Variants in ZNF525 observed in about 807,000 individuals in gnomAD.
ZNF525 encodes the protein zinc finger protein 525.
ZNF525 carries 33 observed loss-of-function variants against 37.6 expected under a neutral mutation model. The observed-to-expected ratio is 0.88, with a 90% confidence interval of 0.67 to 1.17. The LOEUF is 1.17. ZNF525 is among the 50% of genes most tolerant of loss of function. The pLI, the probability that ZNF525 is intolerant of heterozygous loss-of-function variation, is 0.00. For synonymous variants in ZNF525, 170 were observed against 182.3 expected (o/e 0.93, Z 0.54); for missense variants, 449 against 543.1 (o/e 0.83, Z 1.72).
rs2085564147 is a variant in ZNF525 at position 53,381,608 on chromosome 19, A to G, written c.1029A>G (p.Ala343=). 1 of 1,103,928 alleles carries G rather than the reference A, an allele frequency of 9.1e-7. No homozygotes were observed. The highest frequency in any genetic ancestry group is 1.4e-6 in the Non-Finnish European group (1 of 714,016). 68.4% of individuals were successfully genotyped at this position (1,103,928 alleles called of 1,614,324 possible). Residue 343 remains alanine (A), a synonymous_variant, in exon 4 of 4, where the codon GCA becomes GCG. Transcript: ENST00000474037. ...GKTFSQKSYL[A]CHRSIHTGKK... ...CCTTTAGTCAGAAGTCATACCTTGC[A>G]TGCCATCGTAGCATTCATACTGGAA...
intron 3 of ZNF525, chr19:53,379,235 C>T (rs539546379): frequency 6.6e-6 from 1 of 152,182 alleles, no homozygotes; most frequent in Admixed American, 6.5e-5. Context: ...CTTGCCTCAG[C>T]CTTCTGAGTA....
Position 53,382,502 on chromosome 19 carries a change from C to A in ZNF525, c.*483C>A. 1 of 688,052 alleles carries A rather than the reference C, an allele frequency of 1.5e-6. No individual in the cohort carries two copies. The highest frequency in any genetic ancestry group is 3.1e-5 in the East Asian group (1 of 32,636). The allele number at this position is 688,052 out of a possible 1,614,324, so 42.6% of individuals were successfully genotyped here. ...AATCTTATAAGTGTAATGAGTGTGG[C>A]AAGACCTTCAGTAAGGAGTTAACAC... On this transcript the variant is annotated 3_prime_UTR_variant, in exon 4 of 4. Coordinates refer to ENST00000474037, the MANE Select transcript of ZNF525 (RefSeq NM_001348156.2).
In ZNF525 at chr19:53,386,145, A is replaced by G. The variant is rs1378944912; in HGVS notation, c.*4126A>G. 4.6e-6 allele frequency: 2 copies of G among 434,788 alleles called. No homozygotes were observed. Among genetic ancestry groups the G allele is most frequent in the East Asian group, 1.1e-4 (2 of 17,486 alleles). The allele number at this position is 434,788 out of a possible 1,614,324, so 26.9% of individuals were successfully genotyped here. On this transcript the variant is annotated 3_prime_UTR_variant, in exon 4 of 4. Coordinates refer to ENST00000474037, the MANE Select transcript of ZNF525 (RefSeq NM_001348156.2). ...CACTCTAGCCTGAGCAACAAGAGCA[A>G]AACTCCATCTCAAAAAAAAAAAAAT...
At position 53,382,784 on chromosome 19, in the gene ZNF525, C is replaced by T; in HGVS notation, c.*765C>T. On this transcript the variant is annotated 3_prime_UTR_variant, in exon 4 of 4. Transcript: ENST00000474037. ...CAGACATCGTTCATACCTTGCAGTT[C>T]ACGGGCGAACTCATGCTGGAGAGAA... The T allele has an allele frequency of 9.3e-7, 1 of 1,070,082 alleles. No individual in the cohort carries two copies. Among genetic ancestry groups the T allele is most frequent in the Non-Finnish European group, 1.4e-6 (1 of 707,122 alleles). 66.3% of individuals were successfully genotyped at this position (1,070,082 alleles called of 1,614,324 possible). A position where few individuals can be genotyped will look rare whatever the true frequency, so the allele number is the denominator to read the frequency against.
In ZNF525 at chr19:53,381,085, A is replaced by G; in HGVS notation, c.506A>G (p.Asn169Ser). 1 of 1,486,066 alleles carries G rather than the reference A, an allele frequency of 6.7e-7. No individual in the cohort carries two copies. The highest frequency in any genetic ancestry group is 9.4e-7 in the Non-Finnish European group (1 of 1,063,450). The allele number at this position is 1,486,066 out of a possible 1,614,324, so 92.1% of individuals were successfully genotyped here. A position where few individuals can be genotyped will look rare whatever the true frequency, so the allele number is the denominator to read the frequency against. The change falls in exon 4 of 4, where the codon AAC becomes AGC. Residue 169 changes from asparagine to serine, a missense_variant. Around this residue, in one of 2 missense-constraint regions of ZNF525, gnomAD observed 271 missense variants for 381.6 expected, o/e 0.71. Coordinates refer to ENST00000474037, the MANE Select transcript of ZNF525 (RefSeq NM_001348156.2). ...KINNQVEKSI[N>S]DASSVSTAQR... ...AATAATCAAGTGGAGAAGTCTATCA[A>G]CGATGCTTCCTCGGTTTCAACAGCC...
rs764084436 is a variant in ZNF525 at position 53,380,886 on chromosome 19, G to A, written c.307G>A (p.Glu103Lys). The A allele has an allele frequency of 6.8e-7, 1 of 1,479,042 alleles. No homozygotes were observed. Among genetic ancestry groups the A allele is most frequent in the Non-Finnish European group, 9.5e-7 (1 of 1,056,994 alleles). The allele number at this position is 1,479,042 out of a possible 1,614,324, so 91.6% of individuals were successfully genotyped here. ...TCATAACTTTGAGTTTCAGTGGCAA[G>A]AAGATGAAAGAAATGGCCATGAAGC... ...DIHNFEFQWQ[E>K]DERNGHEAPM... The change falls in exon 4 of 4, where the codon GAA becomes AAA. Residue 103 changes from glutamate (E) to lysine (K), a missense_variant. This residue lies in a region of ZNF525 where 271 missense variants were observed against 381.6 expected (regional missense o/e 0.71). Coordinates refer to ENST00000474037, the MANE Select transcript of ZNF525 (RefSeq NM_001348156.2).
At chr19:53,373,606 T>C (rs1488109043) in intron 2 of ZNF525, among the ~76,000 whole-genome samples, 1 of 152,090 alleles carries the variant, frequency 6.6e-6, no homozygotes, top group Non-Finnish European at 1.5e-5. Flanking sequence ...TACTCATGTA[T>C]TTCTGTATCG....
chr19:53,376,994 C>T (rs1037521540), intron 3 of ZNF525, among the ~76,000 whole-genome samples: 32 of 152,110 alleles, frequency 2.1e-4, no homozygotes, highest in African/African-American at 7.7e-4. Context: ...CCACAACCTG[C>T]AAAAGCTTCT....
chr19:53,382,161 T>C lies in ZNF525; in HGVS notation c.*142T>C. The C allele has an allele frequency of 6.3e-7, 1 of 1,592,404 alleles. No individual in the cohort carries two copies. The highest frequency in any genetic ancestry group is 8.6e-7 in the Non-Finnish European group (1 of 1,161,648). On this transcript the variant is annotated 3_prime_UTR_variant, in exon 4 of 4. Coordinates refer to ENST00000474037, the MANE Select transcript of ZNF525 (RefSeq NM_001348156.2). ...AGAGAAACCTTACAAATGTGAAGAA[T>C]GTGATGAAGCTTTCAGTTTCAAATC...
rs1225006255 is a variant in ZNF525, at chr19:53,382,115, C to T, written c.*96C>T. 6.4e-7 allele frequency: 1 copy of T among 1,556,228 alleles called. No individual in the cohort carries two copies. Among genetic ancestry groups the T allele is most frequent in the African/African-American group, 1.4e-5 (1 of 73,282 alleles). ...TCAGTCATACGTCATCCATTGTATA[C>T]CATCATAAATTTCATAGTGGAGAGA... On this transcript the variant is annotated 3_prime_UTR_variant, in exon 4 of 4. Transcript: ENST00000474037.
Position 53,366,134 on chromosome 19 carries a change from C to G in ZNF525, c.-68+375C>G, listed in dbSNP as rs574102800. Reference sequence around the variant, plus strand: ...GCCCCTAGAGCGCAGCGTCGCAGCTCCGGTCCCGGGGAGGCCGAGTTCTCT... The same window carrying G: ...GCCCCTAGAGCGCAGCGTCGCAGCTGCGGTCCCGGGGAGGCCGAGTTCTCT... On this transcript the variant is annotated intron_variant, in intron 1 of 3. Transcript: ENST00000474037. Among the ~76,000 whole-genome samples the G allele has an allele frequency of 6.7e-5, 10 of 150,338 alleles. No homozygotes were observed. In the South Asian group the frequency reaches 2.1e-3, roughly 32 times the overall value.
At chr19:53,372,859 T>G (rs1199745000) in intron 2 of ZNF525, among the ~76,000 whole-genome samples, 1 of 152,176 alleles carries the variant, frequency 6.6e-6, no homozygotes, top group African/African-American at 2.4e-5. Flanking sequence ...ATCTTTATTT[T>G]AAGAATATGA....
rs567733261 is a variant in ZNF525, at chr19:53,386,481, C to G, written c.*4462C>G. 2.8e-5 allele frequency: 18 copies of G among 647,704 alleles called. No individual in the cohort carries two copies. Among genetic ancestry groups the G allele is most frequent in the African/African-American group, 1.7e-4 (9 of 54,410 alleles). 40.1% of individuals were successfully genotyped at this position (647,704 alleles called of 1,614,324 possible). On this transcript the variant is annotated 3_prime_UTR_variant, in exon 4 of 4. Transcript: ENST00000474037. ...GCTGAAAATGTCACCACTATCTGGA[C>G]AGTTGGACATGTTTTATTGGGAATA...
rs2085589319 is a variant in ZNF525 at position 53,384,241 on chromosome 19, T to G, written c.*2222T>G. 1.2e-5 allele frequency: 3 copies of G among 249,708 alleles called. No individual in the cohort carries two copies. The South Asian group carries it at 1.4e-4, about 11-fold the overall frequency. 15.5% of individuals were successfully genotyped at this position (249,708 alleles called of 1,614,324 possible). A position where few individuals can be genotyped will look rare whatever the true frequency, so the allele number is the denominator to read the frequency against. On this transcript the variant is annotated 3_prime_UTR_variant, in exon 4 of 4. Coordinates refer to ENST00000474037, the MANE Select transcript of ZNF525 (RefSeq NM_001348156.2). ...GCTCACGCCTGTAATCCCAGCACTT[T>G]GGTAGGCCAAGGTGGGTAAATCACT...
chr19:53,366,391 C>T (rs1190514987), intron 1 of ZNF525, among the ~76,000 whole-genome samples: 4 of 151,282 alleles, frequency 2.6e-5, no homozygotes, highest in African/African-American at 4.8e-5. Context: ...GCGTCTTACT[C>T]CAAACCCTCC....
chr19:53,373,595 G>A (rs2085502309), intron 2 of ZNF525, among the ~76,000 whole-genome samples: 1 of 152,000 alleles, frequency 6.6e-6, no homozygotes, highest in East Asian at 1.9e-4. Flanking sequence ...GTCAGGTGTG[G>A]TACTCATGTA....
In ZNF525 at chr19:53,383,030, G is replaced by T; in HGVS notation, c.*1011G>T. The T allele has an allele frequency of 6.8e-7, 1 of 1,479,462 alleles. No individual in the cohort carries two copies. 91.6% of individuals were successfully genotyped at this position (1,479,462 alleles called of 1,614,324 possible). On this transcript the variant is annotated 3_prime_UTR_variant, in exon 4 of 4. Coordinates refer to ENST00000474037, the MANE Select transcript of ZNF525 (RefSeq NM_001348156.2). ...GGTTTTTAATCGCAAAGCAAAGCTT[G>T]CATGTCATCATAGACTTCATACTGG...
At chr19:53,375,057 G>T (rs1160311401) in intron 2 of ZNF525, among the ~76,000 whole-genome samples, 1 of 150,560 alleles carries the variant, frequency 6.6e-6, no homozygotes, top group Non-Finnish European at 1.5e-5. Context: ...TTTTTTTTGA[G>T]ATGGAGTCTC....
intron 1 of ZNF525, among the ~76,000 whole-genome samples, chr19:53,369,379 A>G (rs1830595848): frequency 6.6e-6 from 1 of 151,648 alleles, no homozygotes; most frequent in African/African-American, 2.4e-5. Flanking sequence ...GGCACCCACC[A>G]CCATGCCCAG....
Sources: allele counts gnomAD v4.1 joint callset (sites outside exome capture counted in the v4.1 genomes callset), GRCh38; gene constraint gnomAD v4.1.1; regional missense constraint gnomAD v4.1.1; transcripts MANE v1.5; gene names NCBI Gene and HGNC (gene_info 2026-07-23, HGNC 2026-07-21).